Variants in SLC30A10 observed in about 807,000 individuals in gnomAD.
SLC30A10 encodes calcium/manganese antiporter SLC30A10.
A neutral mutation model predicts 21.7 loss-of-function variants in SLC30A10; 8 were observed. The observed-to-expected ratio is 0.37, with a 90% CI of 0.22 to 0.67. The LOEUF is 0.67. SLC30A10 is among the 30% of genes least tolerant of loss of function. SLC30A10 has a pLI of 0.58. For synonymous variants in SLC30A10, 272 were observed against 279.4 expected, an observed-to-expected ratio of 0.97 and a Z score of 0.26; for missense variants, 521 against 642.5, an observed-to-expected ratio of 0.81 and a Z score of 2.04.
intron 1 of SLC30A10, among the ~76,000 whole-genome samples, chr1:219,941,328 G>C (rs1401661254): frequency 6.6e-6 from 1 of 152,216 alleles, no homozygotes; most frequent in Non-Finnish European, 1.5e-5. Context: ...AGATGAATGT[G>C]AGCATGAGGG....
chr1:219,957,270 T>G (rs1488522130), intron 1 of SLC30A10, among the ~76,000 whole-genome samples: 1 of 152,162 alleles, frequency 6.6e-6, no homozygotes, highest in African/African-American at 2.4e-5. Context: ...TCATAACATA[T>G]GTTCTACCAA....
At chr1:219,933,804 G>A (rs1660003293) in intron 1 of SLC30A10, among the ~76,000 whole-genome samples, 2 of 152,192 alleles carry the variant, frequency 1.3e-5, no homozygotes, top group Admixed American at 6.5e-5. Context: ...CATCTGGGGA[G>A]CAGTGAAGTT....
rs558763703 is a variant in SLC30A10 at position 219,912,408 on chromosome 1, A to T, written c.*3041T>A. ...AAACAGACAGTATTTCCTATGGCCAATGCTAAAATAATGTGGAAAGGACTG... is the reference window on the plus strand; with the variant it reads ...AAACAGACAGTATTTCCTATGGCCATTGCTAAAATAATGTGGAAAGGACTG... On this transcript the variant is annotated 3_prime_UTR_variant, in exon 4 of 4. Coordinates refer to ENST00000366926, the MANE Select transcript of SLC30A10 (RefSeq NM_018713.3). Among the ~76,000 whole-genome samples the T allele has an allele frequency of 6.6e-6, 1 of 152,256 alleles. No homozygotes were observed. The highest frequency in any genetic ancestry group is 1.9e-4 in the East Asian group (1 of 5,174).
At chr1:219,938,886 G>A (rs1357000542) in intron 1 of SLC30A10, among the ~76,000 whole-genome samples, 1 of 152,220 alleles carries the variant, frequency 6.6e-6, no homozygotes, top group African/African-American at 2.4e-5. Context: ...GAGTCAGGCA[G>A]TCAGGCAGTA....
At chr1:219,950,369 G>A (rs558834220) in intron 1 of SLC30A10, among the ~76,000 whole-genome samples, 83 of 152,328 alleles carry the variant, frequency 5.4e-4, no homozygotes, top group Non-Finnish European at 9.0e-4. Context: ...GCTGGGCGCG[G>A]TGGCTCATGC....
chr1:219,951,649 A>C (rs1660273299), intron 1 of SLC30A10, among the ~76,000 whole-genome samples: 1 of 151,756 alleles, frequency 6.6e-6, no homozygotes, highest in African/African-American at 2.4e-5. Flanking sequence ...TGAACCCAGG[A>C]GGCGGAGCTT....
intron 1 of SLC30A10, among the ~76,000 whole-genome samples, chr1:219,948,391 A>G (rs9431217): frequency 0.66 from 100,587 of 151,526 alleles, 33,892 homozygotes; most frequent in African/African-American, 0.78. Context: ...CCAAAACAGC[A>G]TGGTACTGGT....
chr1:219,942,699 T>C (rs1039804458), intron 1 of SLC30A10, among the ~76,000 whole-genome samples: 1 of 152,218 alleles, frequency 6.6e-6, no homozygotes, highest in Non-Finnish European at 1.5e-5. Flanking sequence ...AACAATCTAT[T>C]CTTCAAAGAA....
chr1:219,932,319 A>T (rs1659980768), upstream of SLC30A10, among the ~76,000 whole-genome samples: 1 of 152,228 alleles, frequency 6.6e-6, no homozygotes, highest in South Asian at 2.1e-4. Context: ...ATGGTTTTTA[A>T]AAGTTCTGTT....
chr1:219,958,439 T>TA (rs1660380628), intron 1 of SLC30A10: 1 of 152,358 alleles, frequency 6.6e-6, no homozygotes, highest in Non-Finnish European at 1.5e-5. Flanking sequence ...AGGTCGATTG[T>TA]AAAATCACAG....
intron 1 of SLC30A10, among the ~76,000 whole-genome samples, chr1:219,954,824 G>A (rs1660324527): frequency 6.6e-6 from 1 of 151,336 alleles, no homozygotes; most frequent in South Asian, 2.1e-4. Flanking sequence ...GTCTATCCCA[G>A]ACAGAAAAAG....
chr1:219,928,620 C>G (rs1010029903), upstream of SLC30A10: 26 of 558,874 alleles, frequency 4.7e-5, no homozygotes, highest in Middle Eastern at 9.7e-4. The surrounding 1 kb of genome is among the most constrained non-coding windows in gnomAD (Gnocchi z 6.3). Context: ...AGTCCCCGCA[C>G]GTCCAGAGTC....
intron 2 of SLC30A10, among the ~76,000 whole-genome samples, chr1:219,921,883 G>A (rs1402450468): frequency 7.2e-6 from 1 of 139,536 alleles, no homozygotes; most frequent in Non-Finnish European, 1.5e-5. Context: ...GTGTGTGTGT[G>A]TGTGTGTGTG....
rs78286331 is a variant in SLC30A10, at chr1:219,917,512, A to G, written c.958+743T>C. 7.1e-3 allele frequency among the ~76,000 whole-genome samples: 1,087 copies of G among 152,256 alleles called. 7 individuals carry two copies. The highest frequency in any genetic ancestry group is 0.024 in the African/African-American group (1,017 of 41,552). On this transcript the variant is annotated intron_variant, in intron 3 of 3. Coordinates refer to ENST00000366926, the MANE Select transcript of SLC30A10 (RefSeq NM_018713.3). The stretch of plus-strand genomic sequence containing the variant: ...CTCTGGGCAGTGTTGTGAGAGACAC[A>G]GTGACTTGCATGCCCGCATTAACTA...
At chr1:219,949,089 C>T (rs1355731894) in intron 1 of SLC30A10, among the ~76,000 whole-genome samples, 1 of 152,072 alleles carries the variant, frequency 6.6e-6, no homozygotes, top group Admixed American at 6.6e-5. Context: ...GAATGGCAAT[C>T]ATTAAAAAGT....
At chr1:219,922,174 G>GTGTTTTTTTTT (rs1659705385) in intron 2 of SLC30A10, among the ~76,000 whole-genome samples, 6 of 18,216 alleles carry the variant, frequency 3.3e-4, no homozygotes, top group Non-Finnish European at 6.5e-4. Context: ...GTGTGTGTGT[G>GTGTTTTTTTTT]TGTTTTTTTT....
At chr1:219,938,526 G>A (rs554636395) in intron 1 of SLC30A10, among the ~76,000 whole-genome samples, 3 of 152,288 alleles carry the variant, frequency 2.0e-5, no homozygotes, top group East Asian at 1.9e-4. Flanking sequence ...AAGCTAACTG[G>A]GGCAGGTTTT....
chr1:219,930,435 T>G (rs570529124), upstream of SLC30A10, among the ~76,000 whole-genome samples: 10 of 152,326 alleles, frequency 6.6e-5, no homozygotes, highest in East Asian at 1.2e-3. Flanking sequence ...GTGGTGCCAC[T>G]GCACTCCAGC....
At chr1:219,952,166 G>A (rs149779021) in intron 1 of SLC30A10, among the ~76,000 whole-genome samples, 4 of 152,148 alleles carry the variant, frequency 2.6e-5, no homozygotes, top group African/African-American at 9.6e-5. Flanking sequence ...TTCAGCCCTT[G>A]GACAATCACT....
Sources: allele counts gnomAD v4.1 joint callset (sites outside exome capture counted in the v4.1 genomes callset), GRCh38; gene constraint gnomAD v4.1.1; non-coding constraint Gnocchi (gnomAD v3.1); transcripts MANE v1.5; gene names NCBI Gene and HGNC (gene_info 2026-07-23, HGNC 2026-07-21).